Variants in DNAJC3 observed in about 807,000 individuals in gnomAD.
The protein encoded by DNAJC3 is DnaJ heat shock protein family (Hsp40) member C3.
Under a neutral mutation model 68.6 loss-of-function variants are expected in DNAJC3, and 38 were observed. The observed-to-expected ratio is 0.55, with a 90% CI of 0.43 to 0.73. DNAJC3 has a LOEUF of 0.73. DNAJC3 is among the 30% of genes least tolerant of loss of function. The pLI is 0.00. For missense variants in DNAJC3, 526 were observed against 591.9 expected (o/e 0.89, Z 1.16); for synonymous variants, 203 against 204.0 (o/e 1.00, Z 0.04).
intron 9 of DNAJC3, among the ~76,000 whole-genome samples, chr13:95,767,005 T>C (rs1003621190): frequency 4.6e-5 from 7 of 152,178 alleles, no homozygotes; most frequent in Non-Finnish European, 1.0e-4. Flanking sequence ...TGGCCAGTTA[T>C]TCCATTTTTT....
chr13:95,788,082 A>G (rs1427236004), intron 11 of DNAJC3, among the ~76,000 whole-genome samples: 1 of 152,218 alleles, frequency 6.6e-6, no homozygotes, highest in Non-Finnish European at 1.5e-5. Context: ...TTTTCAAGTA[A>G]TTTATAATCC....
At chr13:95,686,336 T>C (rs1018285724) in intron 1 of DNAJC3, among the ~76,000 whole-genome samples, 1 of 152,238 alleles carries the variant, frequency 6.6e-6, no homozygotes, top group African/African-American at 2.4e-5. Flanking sequence ...TTCTGGATAT[T>C]AGTCCTTTGT....
chr13:95,792,298 T>TAATC lies in DNAJC3; in HGVS notation c.*1271_*1274dup, dbSNP rs747137883. ...TGAATGCTTTTTCCCTAAAAAATGT[T>TAATC]AATCAAGAATATTGAATATTTATGG... On this transcript the variant is annotated 3_prime_UTR_variant, in exon 12 of 12. Transcript: ENST00000602402. 30 of 152,252 alleles carry TAATC rather than the reference T, an allele frequency of 2.0e-4. No homozygotes were observed. Among genetic ancestry groups the TAATC allele is most frequent in the Admixed American group, 6.5e-5 (1 of 15,286 alleles). 9.4% of individuals were successfully genotyped at this position (152,252 alleles called of 1,614,324 possible).
chr13:95,713,155 C>T (rs566486223), intron 2 of DNAJC3, among the ~76,000 whole-genome samples: 164 of 152,222 alleles, frequency 1.1e-3, no homozygotes, highest in African/African-American at 2.0e-3. Context: ...ACCCAGTCTC[C>T]GGTATGTCTT....
chr13:95,762,606 CT>C (rs1378699764), intron 7 of DNAJC3, among the ~76,000 whole-genome samples: 5 of 152,146 alleles, frequency 3.3e-5, no homozygotes, highest in Non-Finnish European at 7.3e-5. Flanking sequence ...CAGAAGCTGG[CT>C]TTTTTGTTTT....
chr13:95,715,049 G>A (rs1881093234), intron 2 of DNAJC3, among the ~76,000 whole-genome samples: 2 of 152,286 alleles, frequency 1.3e-5, no homozygotes, highest in East Asian at 1.9e-4. Flanking sequence ...ATTTATTGGT[G>A]TGATTTAGTA....
At chr13:95,740,348 GC>G (rs1223926653) in intron 4 of DNAJC3, among the ~76,000 whole-genome samples, 1 of 151,560 alleles carries the variant, frequency 6.6e-6, no homozygotes, top group African/African-American at 2.4e-5. Context: ...CCCAGTTGGA[GC>G]TTCCCGGCTG....
chr13:95,793,084 A>G lies in DNAJC3; in HGVS notation c.*2054A>G, dbSNP rs190030614. Reference sequence around the variant, plus strand: ...TTTCATTTTTTCTCCACTTGTAACAACCATAGTTTCAGCTCCTAAATTCTT... The same window carrying G: ...TTTCATTTTTTCTCCACTTGTAACAGCCATAGTTTCAGCTCCTAAATTCTT... On this transcript the variant is annotated 3_prime_UTR_variant, in exon 12 of 12. Coordinates refer to ENST00000602402, the MANE Select transcript of DNAJC3 (RefSeq NM_006260.5). 2.6e-5 allele frequency: 4 copies of G among 152,294 alleles called. No homozygotes were observed. Among genetic ancestry groups the G allele is most frequent in the African/African-American group, 9.6e-5 (4 of 41,558 alleles). The allele number at this position is 152,294 out of a possible 1,614,324, so 9.4% of individuals were successfully genotyped here.
At position 95,709,239 on chromosome 13, in the gene DNAJC3, G is replaced by A. The variant is rs1880868207; in HGVS notation, c.95G>A (p.Gly32Glu). 5 of 1,562,136 alleles carry A rather than the reference G, an allele frequency of 3.2e-6. No homozygotes were observed. Among genetic ancestry groups the A allele is most frequent in the Non-Finnish European group, 4.3e-6 (5 of 1,153,070 alleles). Residue 32 changes from glycine to glutamate, a missense_variant, in exon 2 of 12, where the codon GGA (glycine) becomes GAA (glutamate). Transcript: ENST00000602402. ...ATTTTATTTTTAGGTGCTGAATGTG[G>A]AGTAAATGCAGATGTTGAGAAACAT... Reference protein sequence around the residue: ...VDLQYEGAECGVNADVEKHLE... With the variant: ...VDLQYEGAECEVNADVEKHLE...
chr13:95,720,655 C>T (rs545379754), intron 2 of DNAJC3, among the ~76,000 whole-genome samples: 1 of 152,178 alleles, frequency 6.6e-6, no homozygotes, highest in Non-Finnish European at 1.5e-5. Context: ...CCTACTCTTT[C>T]CTCAAGTTAA....
At chr13:95,696,891 G>A (rs1465969015) in intron 1 of DNAJC3, among the ~76,000 whole-genome samples, 19 of 152,016 alleles carry the variant, frequency 1.2e-4, no homozygotes, top group African/African-American at 7.3e-5. Context: ...GACTACAGGC[G>A]CCCACCACCG....
In DNAJC3 at chr13:95,793,342, C is replaced by G. The variant is rs1237365703; in HGVS notation, c.*2312C>G. On this transcript the variant is annotated 3_prime_UTR_variant, in exon 12 of 12. Transcript: ENST00000602402. ...ACGGAGAGACAGTCACTCCTGCTTACCCTAATGTGTGACTGAGAAGCAGCC... is the reference window on the plus strand; with the variant it reads ...ACGGAGAGACAGTCACTCCTGCTTAGCCTAATGTGTGACTGAGAAGCAGCC... The G allele has an allele frequency of 6.6e-6, 1 of 151,782 alleles. No homozygotes were observed. Among genetic ancestry groups the G allele is most frequent in the Admixed American group, 6.6e-5 (1 of 15,224 alleles). The allele number at this position is 151,782 out of a possible 1,614,324, so 9.4% of individuals were successfully genotyped here. A position where few individuals can be genotyped will look rare whatever the true frequency, so the allele number is the denominator to read the frequency against.
chr13:95,750,390 G>C (rs528877651), intron 4 of DNAJC3, among the ~76,000 whole-genome samples: 1 of 152,128 alleles, frequency 6.6e-6, no homozygotes, highest in South Asian at 2.1e-4. Context: ...AGCACAGAAA[G>C]CTCTCAATAA....
intron 9 of DNAJC3, among the ~76,000 whole-genome samples, chr13:95,771,608 T>A (rs949915705): frequency 2.3e-4 from 35 of 152,162 alleles, no homozygotes; most frequent in African/African-American, 8.0e-4. Flanking sequence ...TTTAGCAGGA[T>A]TCTTGCTCAA....
chr13:95,716,483 C>T (rs750772002), intron 2 of DNAJC3, among the ~76,000 whole-genome samples: 42 of 152,278 alleles, frequency 2.8e-4, no homozygotes, highest in African/African-American at 7.5e-4. Context: ...ATTGCAAGGA[C>T]GGGGCCAGTG....
At chr13:95,756,457 T>TA (rs1405952344) in intron 4 of DNAJC3, among the ~76,000 whole-genome samples, 4 of 152,248 alleles carry the variant, frequency 2.6e-5, no homozygotes, top group African/African-American at 7.2e-5. Context: ...ATAGAATAGC[T>TA]AAAATAGAAT....
intron 4 of DNAJC3, among the ~76,000 whole-genome samples, chr13:95,729,293 T>G (rs555177512): frequency 0.011 from 959 of 85,916 alleles, 25 homozygotes; most frequent in African/African-American, 0.044. Flanking sequence ...TCCCTCTCCT[T>G]CTCCCTCTCC....
intron 9 of DNAJC3, among the ~76,000 whole-genome samples, chr13:95,781,714 A>T (rs2139693713): frequency 6.6e-6 from 1 of 151,652 alleles, no homozygotes; most frequent in African/African-American, 2.4e-5. Flanking sequence ...AATACGCAAC[A>T]TGGTATTCTT....
intron 4 of DNAJC3, among the ~76,000 whole-genome samples, chr13:95,726,539 T>G (rs1164087594): frequency 2.6e-5 from 4 of 152,206 alleles, no homozygotes; most frequent in Admixed American, 6.5e-5. Context: ...AAACACATTC[T>G]TAAAAGGGAA....
Sources: gnomAD v4.1 joint callset for allele counts (sites outside exome capture counted in the v4.1 genomes callset) on GRCh38, gnomAD v4.1.1 for gene constraint, MANE v1.5 for transcripts, NCBI Gene and HGNC (gene_info 2026-07-23, HGNC 2026-07-21) for gene names.